KANSL1: variants seen among roughly 807,000 people sequenced by gnomAD.
KANSL1 encodes the protein KAT8 regulatory NSL complex subunit 1, also known as MLL1/MLL complex subunit KANSL1.
KANSL1 carries 22 observed loss-of-function variants against 103.6 expected under a neutral mutation model. The observed-to-expected ratio is 0.21, with a 90% CI of 0.15 to 0.30. The LOEUF is 0.30. KANSL1 is among the 10% of genes least tolerant of loss of function. The probability of loss-of-function intolerance (pLI) is 1.00; values close to 1 mark genes in which losing one functional copy is unlikely to be tolerated. For synonymous variants in KANSL1, 600 were observed against 527.6 expected, an observed-to-expected ratio of 1.14 and a Z score of -1.88; for missense variants, 1,337 against 1,399.8, an observed-to-expected ratio of 0.96 and a Z score of 0.72.
At chr17:46,195,101 T>TA (rs1320802807), upstream of KANSL1, among the ~76,000 whole-genome samples, 1 of 152,256 alleles carries the variant, frequency 6.6e-6, no homozygotes, top group African/African-American at 2.4e-5. Context: ...TGTACACACA[T>TA]ACACACATAA....
At chr17:46,041,367 G>A (rs928211648) in intron 7 of KANSL1, 2 of 152,050 alleles carry the variant, frequency 1.3e-5, no homozygotes, top group Non-Finnish European at 2.9e-5. Context: ...TCAATATTCT[G>A]ACATTTCACC....
At chr17:46,167,007 G>GA (rs1159842099) in intron 2 of KANSL1, among the ~76,000 whole-genome samples, 6 of 120,722 alleles carry the variant, frequency 5.0e-5, no homozygotes, top group Non-Finnish European at 8.4e-5. Flanking sequence ...ACGGTTGGGA[G>GA]AAAAAAAAGA....
upstream of KANSL1, among the ~76,000 whole-genome samples, chr17:46,195,160 C>T (rs1006066037): frequency 2.6e-5 from 4 of 152,194 alleles, no homozygotes; most frequent in Non-Finnish European, 4.4e-5. Flanking sequence ...CAACAGATGG[C>T]GAACTAGAGC....
At chr17:46,219,684 C>T (rs1282805999) in intron 1 of KANSL1, among the ~76,000 whole-genome samples, 1 of 152,250 alleles carries the variant, frequency 6.6e-6, no homozygotes, top group African/African-American at 2.4e-5. Context: ...TTTTTTAATG[C>T]CTGACTTTGC....
chr17:46,186,076 T>G (rs1567782524), intron 1 of KANSL1, among the ~76,000 whole-genome samples: 2 of 151,976 alleles, frequency 1.3e-5, no homozygotes, highest in African/African-American at 4.8e-5. Flanking sequence ...TCTGGAAGAT[T>G]TTAAGAATTC....
chr17:46,185,694 C>CACAA (rs2046994975), intron 1 of KANSL1, among the ~76,000 whole-genome samples: 1 of 25,210 alleles, frequency 4.0e-5, no homozygotes, highest in Non-Finnish European at 1.1e-4. Context: ...CACATATATA[C>CACAA]ACACACACAC....
At chr17:46,070,361 C>A (rs924179826) in intron 4 of KANSL1, among the ~76,000 whole-genome samples, 3 of 152,054 alleles carry the variant, frequency 2.0e-5, no homozygotes, top group Non-Finnish European at 4.4e-5. Context: ...TATACATACA[C>A]AGATAACAAC....
chr17:46,156,604 T>A (rs2045442090), intron 2 of KANSL1, among the ~76,000 whole-genome samples: 3 of 152,246 alleles, frequency 2.0e-5, no homozygotes, highest in Admixed American at 2.0e-4. Context: ...TTAATTTTTA[T>A]TTAAAATACT....
chr17:46,053,082 G>A (rs2146512588), intron 6 of KANSL1, among the ~76,000 whole-genome samples: 1 of 149,436 alleles, frequency 6.7e-6, no homozygotes, highest in East Asian at 2.0e-4. Flanking sequence ...GAGGTCAGGA[G>A]TTCGAGACCA....
At chr17:46,099,737 C>T (rs2023861) in intron 2 of KANSL1, among the ~76,000 whole-genome samples, 5,930 of 152,254 alleles carry the variant, frequency 0.039, 587 homozygotes, top group East Asian at 0.27. Flanking sequence ...TTACCGTGTG[C>T]TTTATCCTAG....
chr17:46,156,269 C>A (rs1364826301), intron 2 of KANSL1, among the ~76,000 whole-genome samples: 1 of 152,192 alleles, frequency 6.6e-6, no homozygotes, highest in Non-Finnish European at 1.5e-5. Context: ...ATCCCTTGAA[C>A]CCAGGAGGCA....
chr17:46,188,413 G>A (rs1162033246), intron 1 of KANSL1, among the ~76,000 whole-genome samples: 5 of 152,202 alleles, frequency 3.3e-5, no homozygotes, highest in African/African-American at 1.2e-4. Context: ...TATCAGCATA[G>A]AAACTGTAAT....
At chr17:46,203,584 T>G (rs1015245698) in intron 1 of KANSL1, among the ~76,000 whole-genome samples, 1 of 152,358 alleles carries the variant, frequency 6.6e-6, no homozygotes, top group Admixed American at 6.5e-5. Flanking sequence ...TTTCTACTCA[T>G]TGATACGTTA....
intron 6 of KANSL1, among the ~76,000 whole-genome samples, chr17:46,060,413 C>T (rs181613315): frequency 0.014 from 2,096 of 152,268 alleles, 30 homozygotes; most frequent in South Asian, 0.052. Context: ...TTATCTCAGT[C>T]TTTCAAAATT....
chr17:46,140,554 T>A (rs1023489575), intron 2 of KANSL1, among the ~76,000 whole-genome samples: 1 of 151,912 alleles, frequency 6.6e-6, no homozygotes, highest in African/African-American at 2.4e-5. Flanking sequence ...AATTGGACTA[T>A]ATCAAAATTT....
At chr17:46,140,529 C>CA (rs142629715) in intron 2 of KANSL1, among the ~76,000 whole-genome samples, 22,637 of 141,958 alleles carry the variant, frequency 0.16, 234 homozygotes, top group Middle Eastern at 0.23. Flanking sequence ...GCAAAAGAAA[C>CA]AAAAAAAAAA....
In KANSL1 at chr17:46,105,865, TCA is replaced by T. The variant is rs373943708; in HGVS notation, c.1290-11166_1290-11165del. 2.3e-3 allele frequency among the ~76,000 whole-genome samples: 305 copies of T among 134,448 alleles called. 2 individuals carry two copies. Among genetic ancestry groups the T allele is most frequent in the South Asian group, 7.9e-3 (35 of 4,404 alleles). The allele number at this position is 134,448 out of a possible 152,430, so 88.2% of individuals were successfully genotyped here. ...CAGCCTGGGCAGCACAGCAAGACCT[TCA>T]CACACACACACACACACACACACAC... On this transcript the variant is annotated intron_variant, in intron 2 of 14. Coordinates refer to ENST00000432791, the MANE Select transcript of KANSL1 (RefSeq NM_015443.4).
At chr17:46,186,142 G>A (rs1440378130) in intron 1 of KANSL1, among the ~76,000 whole-genome samples, 6 of 151,906 alleles carry the variant, frequency 3.9e-5, no homozygotes, top group East Asian at 1.9e-4. Context: ...TTGGGAGGCC[G>A]AGACGGGTGG....
chr17:46,185,026 G>C (rs1191150783), intron 1 of KANSL1, among the ~76,000 whole-genome samples: 2 of 152,006 alleles, frequency 1.3e-5, no homozygotes, highest in Non-Finnish European at 2.9e-5. Context: ...TTTTTTAGTA[G>C]AGACAGGGTT....
Sources: gnomAD v4.1 joint callset for allele counts (sites outside exome capture counted in the v4.1 genomes callset) on GRCh38, gnomAD v4.1.1 for gene constraint, MANE v1.5 for transcripts, NCBI Gene and HGNC (gene_info 2026-07-23, HGNC 2026-07-21) for gene names.